Variants in STK40 observed in about 807,000 individuals in gnomAD.
The protein encoded by STK40 is serine/threonine kinase 40.
Under a neutral mutation model 47.9 loss-of-function variants are expected in STK40, and 13 were observed. The observed-to-expected ratio is 0.27, with a 90% CI of 0.18 to 0.43. The LOEUF is 0.43. Among genes scored for constraint, STK40 ranks in the 20% least tolerant of loss-of-function variants. The pLI is 1.00. For synonymous variants in STK40, 225 were observed against 243.2 expected (o/e 0.93, Z 0.69); for missense variants, 460 against 595.1 (o/e 0.77, Z 2.36).
intron 6 of STK40, 110 bp downstream of exon 6, chr1:36,354,251 GGTT>G: frequency 8.8e-7 from 1 of 1,131,598 alleles, no homozygotes. Context: ...GGAGGAAGTG[GGTT>G]GTTTTGAGTC....
intron 1 of STK40, among the ~76,000 whole-genome samples, chr1:36,380,785 G>A (rs889141866): frequency 1.3e-5 from 2 of 152,218 alleles, no homozygotes; most frequent in African/African-American, 4.8e-5. Context: ...AGGAAGGAAA[G>A]CTGCCCTTCT....
At chr1:36,344,010 G>C in intron 8 of STK40, 31 bp from the exon 9 acceptor site, 1 of 1,596,834 alleles carries the variant, frequency 6.3e-7, no homozygotes, top group Non-Finnish European at 8.6e-7. Flanking sequence ...GGAGGGCTCA[G>C]TGGGTGGTGC....
At chr1:36,375,889 G>A (rs1646988151) in intron 1 of STK40, among the ~76,000 whole-genome samples, 1 of 152,086 alleles carries the variant, frequency 6.6e-6, no homozygotes, top group African/African-American at 2.4e-5. Flanking sequence ...GGGCGTGGTG[G>A]TGCTTGCCTA....
intron 1 of STK40, among the ~76,000 whole-genome samples, chr1:36,375,967 C>T (rs1007058715): frequency 2.0e-5 from 3 of 151,642 alleles, no homozygotes; most frequent in African/African-American, 7.3e-5. Context: ...GGCTGCAGTG[C>T]GCTGAGATCG....
intron 1 of STK40, among the ~76,000 whole-genome samples, chr1:36,377,324 G>C (rs1646999786): frequency 6.6e-6 from 1 of 151,642 alleles, no homozygotes; most frequent in African/African-American, 2.4e-5. Context: ...CATGAGGTCA[G>C]GAGTTCAAGA....
chr1:36,351,205 C>T (rs1646749972), intron 6 of STK40, among the ~76,000 whole-genome samples: 1 of 152,194 alleles, frequency 6.6e-6, no homozygotes, highest in African/African-American at 2.4e-5. Context: ...CCTCACATAA[C>T]CCCAGAAGAG....
intron 6 of STK40, among the ~76,000 whole-genome samples, chr1:36,352,340 C>T (rs1449258271): frequency 6.6e-6 from 1 of 152,200 alleles, no homozygotes; most frequent in East Asian, 1.9e-4. Context: ...TATTACGCAG[C>T]CTCACACCCA....
chr1:36,358,833 G>C lies in STK40; in HGVS notation c.113-11C>G. The C allele has an allele frequency of 6.2e-7, 1 of 1,614,120 alleles. No homozygotes were observed. The highest frequency in any genetic ancestry group is 1.7e-5 in the Admixed American group (1 of 60,034). On this transcript the variant is annotated splice_polypyrimidine_tract_variant and intron_variant, in intron 2 of 10. Coordinates refer to ENST00000373132, the MANE Select transcript of STK40 (RefSeq NM_001282547.2). ...TGCCCAGACGGGGACCTACGGCACA[G>C]AGAGCTGCTGGTCTACTTTTCAGAA...
At chr1:36,357,858 G>A (rs1029333564) in intron 4 of STK40, among the ~76,000 whole-genome samples, 1 of 152,184 alleles carries the variant, frequency 6.6e-6, no homozygotes, top group Non-Finnish European at 1.5e-5. Flanking sequence ...CTTGTGATCT[G>A]CCCACCTCGG....
intron 4 of STK40, among the ~76,000 whole-genome samples, chr1:36,356,409 CTTCTTT>C (rs1044649364): frequency 7.0e-6 from 1 of 142,456 alleles, no homozygotes; most frequent in African/African-American, 2.8e-5. Flanking sequence ...ATCCACATTT[CTTCTTT>C]TTCTTTTTTT....
Position 36,355,245 on chromosome 1 carries a change from G to C in STK40, c.531C>G (p.Ile177Met), listed in dbSNP as rs770651057. 1 of 1,614,158 alleles carries C rather than the reference G, an allele frequency of 6.2e-7. No individual in the cohort carries two copies. The highest frequency in any genetic ancestry group is 8.5e-7 in the Non-Finnish European group (1 of 1,180,044). Residue 177 changes from isoleucine to methionine, a missense_variant, in exon 5 of 11, where the codon ATC becomes ATG. Physicochemically the swap from Ile to Met is conservative, Grantham distance 10. Around this residue, in one of 3 missense-constraint regions of STK40, gnomAD observed 277 missense variants for 358.7 expected, o/e 0.77. Coordinates refer to ENST00000373132, the MANE Select transcript of STK40 (RefSeq NM_001282547.2). Reference sequence around the variant, plus strand: ...CCACCACGCGGACCACGTCGTAGAAGATTACCACAGTCTCCCTCTCGCTGA... The same window carrying C: ...CCACCACGCGGACCACGTCGTAGAACATTACCACAGTCTCCCTCTCGCTGA... ...KRLSERETVV[I>M]FYDVVRVVEA...
Position 36,366,630 on chromosome 1 carries a change from C to G in STK40, c.-8-5290G>C, listed in dbSNP as rs77427041. Among the ~76,000 whole-genome samples, 1,156 of 152,186 alleles carry G rather than the reference C, an allele frequency of 7.6e-3. 12 individuals carry two copies. Among genetic ancestry groups the G allele is most frequent in the African/African-American group, 0.026 (1,089 of 41,506 alleles). ...CAAACACTCCTCTAGAGGGCCTGCTCAGAGGGATCCCGGCTTCACAGTGAG... is the reference window on the plus strand; with the variant it reads ...CAAACACTCCTCTAGAGGGCCTGCTGAGAGGGATCCCGGCTTCACAGTGAG... On this transcript the variant is annotated intron_variant, in intron 1 of 10. Coordinates refer to ENST00000373132, the MANE Select transcript of STK40 (RefSeq NM_001282547.2).
intron 1 of STK40, among the ~76,000 whole-genome samples, chr1:36,377,071 T>C (rs910027673): frequency 5.9e-5 from 9 of 151,950 alleles, no homozygotes; most frequent in African/African-American, 1.7e-4. Context: ...GTGCCCAGCC[T>C]AGAAGAAATT....
At chr1:36,379,789 A>C (rs539544119) in intron 1 of STK40, among the ~76,000 whole-genome samples, 3 of 152,142 alleles carry the variant, frequency 2.0e-5, no homozygotes, top group African/African-American at 7.2e-5. Context: ...GGCTGCCCCA[A>C]TTTATTAAAA....
chr1:36,341,998 G>C lies in STK40; in HGVS notation c.1090-25C>G. Reference sequence around the variant, plus strand: ...CCTTTGAGGCGGGGAGGGTGGGAAGGAGACAAAGATAAACCCAGATGAAGG... The same window carrying C: ...CCTTTGAGGCGGGGAGGGTGGGAAGCAGACAAAGATAAACCCAGATGAAGG... On this transcript the variant is annotated intron_variant, in intron 10 of 10. Transcript: ENST00000373132. The C allele has an allele frequency of 1.9e-6, 3 of 1,594,624 alleles. 1 individual carries two copies. The highest frequency in any genetic ancestry group is 8.6e-7 in the Non-Finnish European group (1 of 1,169,220).
At chr1:36,362,764 T>G (rs1005162847) in intron 1 of STK40, 9 of 152,236 alleles carry the variant, frequency 5.9e-5, no homozygotes, top group African/African-American at 2.2e-4. Context: ...GTTTTTCCTG[T>G]GTGTGACTGT....
At chr1:36,367,170 A>G (rs1646909966) in intron 1 of STK40, among the ~76,000 whole-genome samples, 1 of 151,860 alleles carries the variant, frequency 6.6e-6, no homozygotes, top group African/African-American at 2.4e-5. Flanking sequence ...TTCTATCCTC[A>G]CAAGTCAGCA....
At chr1:36,364,561 ACTG>A (rs1646885363) in intron 1 of STK40, among the ~76,000 whole-genome samples, 1 of 151,532 alleles carries the variant, frequency 6.6e-6, no homozygotes, top group African/African-American at 2.4e-5. Flanking sequence ...TCTATTTTTT[ACTG>A]CTATGTATTA....
intron 3 of STK40, 124 bp downstream of exon 3, chr1:36,358,613 T>C: frequency 8.3e-7 from 1 of 1,199,472 alleles, no homozygotes; most frequent in Non-Finnish European, 1.2e-6. Flanking sequence ...ACTTGATTGC[T>C]TCTCGGGAAG....
Sources: allele counts gnomAD v4.1 joint callset (sites outside exome capture counted in the v4.1 genomes callset), GRCh38; gene constraint gnomAD v4.1.1; regional missense constraint gnomAD v4.1.1; transcripts MANE v1.5; gene names NCBI Gene and HGNC (gene_info 2026-07-23, HGNC 2026-07-21).